Variants in GLRB observed in about 807,000 individuals in gnomAD.
GLRB encodes glycine receptor subunit beta.
In GLRB, 33 loss-of-function variants were observed where a neutral mutation model predicts 54.2. That is an observed-to-expected ratio of 0.61 (90% confidence interval 0.46 to 0.81). The LOEUF is 0.81. Ranked by LOEUF, GLRB falls within the 40% of genes least tolerant of loss-of-function variation. The pLI, the probability that GLRB is intolerant of heterozygous loss-of-function variation, is 0.00. For missense variants in GLRB, 572 were observed against 584.6 expected, an observed-to-expected ratio of 0.98 and a Z score of 0.22; for synonymous variants, 209 against 208.2, an observed-to-expected ratio of 1.00 and a Z score of -0.03.
chr4:157,112,401 T>A (rs1735454982), intron 2 of GLRB, among the ~76,000 whole-genome samples: 1 of 151,866 alleles, frequency 6.6e-6, no homozygotes, highest in Non-Finnish European at 1.5e-5. Flanking sequence ...CATAGGAAAT[T>A]CTCTGAAACT....
chr4:157,168,473 G>GT (rs1303649259), intron 9 of GLRB, among the ~76,000 whole-genome samples: 7 of 151,998 alleles, frequency 4.6e-5, no homozygotes, highest in African/African-American at 1.7e-4. Flanking sequence ...AAATGAGGTA[G>GT]TATGATAATG....
At chr4:157,092,427 A>T (rs549271405) in intron 2 of GLRB, among the ~76,000 whole-genome samples, 1 of 152,316 alleles carries the variant, frequency 6.6e-6, no homozygotes, top group South Asian at 2.1e-4. Flanking sequence ...TGGATTACCT[A>T]TGTTTGTGAT....
intron 2 of GLRB, among the ~76,000 whole-genome samples, chr4:157,106,760 G>T (rs1579203171): frequency 6.6e-6 from 1 of 151,908 alleles, no homozygotes; most frequent in African/African-American, 2.4e-5. Context: ...TTTGGACTTG[G>T]ACTGAACCAT....
intron 2 of GLRB, among the ~76,000 whole-genome samples, chr4:157,090,235 T>C (rs1474048434): frequency 6.6e-6 from 1 of 152,186 alleles, no homozygotes; most frequent in Non-Finnish European, 1.5e-5. Context: ...TATTACAAAT[T>C]GAAACAGAAA....
intron 4 of GLRB, among the ~76,000 whole-genome samples, chr4:157,127,065 A>T (rs1412680523): frequency 1.3e-5 from 2 of 151,664 alleles, no homozygotes; most frequent in Non-Finnish European, 2.9e-5. Flanking sequence ...CAAGAAAAAA[A>T]TTCATATTTG....
intron 2 of GLRB, among the ~76,000 whole-genome samples, chr4:157,079,725 GTTT>G (rs1734159064): frequency 6.6e-6 from 1 of 152,150 alleles, no homozygotes; most frequent in Non-Finnish European, 1.5e-5. Context: ...CACTGTTACT[GTTT>G]TTGTGCCACA....
intron 2 of GLRB, among the ~76,000 whole-genome samples, chr4:157,097,311 CAA>C (rs1178910361): frequency 6.6e-6 from 1 of 152,152 alleles, no homozygotes; most frequent in Non-Finnish European, 1.5e-5. Context: ...GGTTATCACA[CAA>C]AGTGTTAGAT....
At chr4:157,143,450 A>G (rs1736689859) in intron 7 of GLRB, among the ~76,000 whole-genome samples, 1 of 151,944 alleles carries the variant, frequency 6.6e-6, no homozygotes, top group South Asian at 2.1e-4. Flanking sequence ...TACTGCCTGT[A>G]TGACTCCTTT....
intron 7 of GLRB, among the ~76,000 whole-genome samples, chr4:157,143,152 G>A (rs1736678930): frequency 6.6e-6 from 1 of 152,024 alleles, no homozygotes; most frequent in Non-Finnish European, 1.5e-5. Flanking sequence ...TCCTTCAGTT[G>A]GAGTACCTTT....
chr4:157,154,423 CTTTTTTTTTTT>C (rs778002566), intron 9 of GLRB, among the ~76,000 whole-genome samples: 1 of 103,462 alleles, frequency 9.7e-6, no homozygotes, highest in Non-Finnish European at 1.9e-5. Context: ...CTTCTTTTTC[CTTTTTTTTTTT>C]TTTTTTTTTT....
Position 157,078,036 on chromosome 4 carries a change from A to G in GLRB, c.12A>G (p.Leu4=). ...TTCAAGTTTTCAAGATGAAGTTTTT[A>G]TTGACAACTGCCTTTTTAATTTTAA... The part of the protein sequence containing the change: MKF[L]LTTAFLILIS... Residue 4 remains leucine, a synonymous_variant, in exon 2 of 10, where the codon TTA becomes TTG. Transcript: ENST00000264428. The G allele has an allele frequency of 6.2e-7, 1 of 1,610,494 alleles. No individual in the cohort carries two copies. The highest frequency in any genetic ancestry group is 1.3e-5 in the African/African-American group (1 of 74,912).
At chr4:157,111,686 G>T (rs1735424439) in intron 2 of GLRB, among the ~76,000 whole-genome samples, 1 of 151,996 alleles carries the variant, frequency 6.6e-6, no homozygotes, top group Admixed American at 6.6e-5. Context: ...GGGAGTAAGA[G>T]TCCAGGGCTT....
chr4:157,117,440 G>C (rs941044653), intron 2 of GLRB, among the ~76,000 whole-genome samples: 1 of 151,616 alleles, frequency 6.6e-6, no homozygotes, highest in Non-Finnish European at 1.5e-5. Flanking sequence ...TATCTCTTCT[G>C]TTTAATCACG....
intron 4 of GLRB, among the ~76,000 whole-genome samples, chr4:157,125,270 A>G (rs983552775): frequency 6.6e-6 from 1 of 151,892 alleles, no homozygotes; most frequent in African/African-American, 2.4e-5. Context: ...CAAGAGTTTG[A>G]GAAAGCAGAG....
chr4:157,120,870 A>G (rs746570905), intron 3 of GLRB, among the ~76,000 whole-genome samples: 39 of 151,682 alleles, frequency 2.6e-4, no homozygotes, highest in Admixed American at 1.3e-4. Flanking sequence ...TAATTGTTTT[A>G]TAGGTTACCT....
chr4:157,121,393 A>G (rs1322021262), intron 3 of GLRB, among the ~76,000 whole-genome samples: 3 of 151,556 alleles, frequency 2.0e-5, no homozygotes, highest in South Asian at 2.1e-4. Context: ...CTGGAAAACT[A>G]TAATCCTTGT....
At chr4:157,093,567 C>T (rs1734694484) in intron 2 of GLRB, among the ~76,000 whole-genome samples, 1 of 151,798 alleles carries the variant, frequency 6.6e-6, no homozygotes, top group East Asian at 1.9e-4. Context: ...CCATCCTGGC[C>T]AACATGCTGA....
At chr4:157,090,956 C>T (rs185893275) in intron 2 of GLRB, among the ~76,000 whole-genome samples, 1 of 152,214 alleles carries the variant, frequency 6.6e-6, no homozygotes, top group East Asian at 1.9e-4. Flanking sequence ...CTCAAAGTTA[C>T]AGGTTCTCTT....
chr4:157,093,205 A>G (rs1018566601), intron 2 of GLRB, among the ~76,000 whole-genome samples: 28 of 151,790 alleles, frequency 1.8e-4, no homozygotes, highest in African/African-American at 6.8e-4. Context: ...TGAGCACACA[A>G]TCTGACAATC....
Sources: gnomAD v4.1 joint callset for allele counts (sites outside exome capture counted in the v4.1 genomes callset) on GRCh38, gnomAD v4.1.1 for gene constraint, MANE v1.5 for transcripts, NCBI Gene and HGNC (gene_info 2026-07-23, HGNC 2026-07-21) for gene names.